ENAH: variants seen among roughly 807,000 people sequenced by gnomAD.
The protein encoded by ENAH is protein enabled homolog.
ENAH carries 23 observed loss-of-function variants against 78.7 expected under a neutral mutation model. The ratio of observed to expected loss-of-function variants is 0.29; its 90% CI spans 0.21 to 0.41. ENAH has a LOEUF of 0.41. ENAH is among the 10% of genes least tolerant of loss of function. ENAH has a pLI of 1.00. For synonymous variants in ENAH, 226 were observed against 241.0 expected, an observed-to-expected ratio of 0.94 and a Z score of 0.58; for missense variants, 544 against 691.0, an observed-to-expected ratio of 0.79 and a Z score of 2.39.
At chr1:225,645,434 T>A (rs1341298210) in intron 1 of ENAH, among the ~76,000 whole-genome samples, 1 of 152,244 alleles carries the variant, frequency 6.6e-6, no homozygotes, top group African/African-American at 2.4e-5. Context: ...GATCTATTCA[T>A]GAAATCAGAC....
chr1:225,606,797 A>G (rs1028399289), intron 1 of ENAH, among the ~76,000 whole-genome samples: 1 of 149,086 alleles, frequency 6.7e-6, no homozygotes. Context: ...GAGCCAACAT[A>G]ACACCACTAC....
intron 1 of ENAH, among the ~76,000 whole-genome samples, chr1:225,641,776 T>C (rs1482955734): frequency 1.3e-5 from 2 of 151,824 alleles, no homozygotes; most frequent in African/African-American, 4.8e-5. Context: ...ATCCCAGCAC[T>C]TTGGGAGGCC....
chr1:225,514,778 C>CT lies in ENAH; in HGVS notation c.1035_1036insA (p.Gly346ArgfsTer13). On this transcript the variant is annotated frameshift_variant, in exon 7 of 14. Coordinates refer to ENST00000366843, the MANE Select transcript of ENAH (RefSeq NM_018212.6). LOFTEE classifies it high-confidence loss of function. ...GGGGGAGGAGGGGGCGGTGGAGGCC[C>CT]GGTGGATGGGAGTGGAGGAGGTGGA... 2.3e-6 allele frequency: 2 copies of CT among 884,992 alleles called. No individual in the cohort carries two copies. The highest frequency in any genetic ancestry group is 2.7e-6 in the Non-Finnish European group (2 of 731,036). The allele number at this position is 884,992 out of a possible 1,614,324, so 54.8% of individuals were successfully genotyped here.
intron 3 of ENAH, among the ~76,000 whole-genome samples, chr1:225,533,370 AGT>A (rs1234978825): frequency 6.6e-6 from 1 of 152,146 alleles, no homozygotes; most frequent in African/African-American, 2.4e-5. Flanking sequence ...TTCCTAAATG[AGT>A]GTGTTCTCAT....
intron 1 of ENAH, among the ~76,000 whole-genome samples, chr1:225,608,659 T>C (rs1205587756): frequency 6.6e-6 from 1 of 150,926 alleles, no homozygotes; most frequent in Non-Finnish European, 1.5e-5. Context: ...CTACTAACAA[T>C]ACAAAAATTG....
rs981300755 is a variant in ENAH, at chr1:225,564,422, C to T, written c.171+2827G>A. The stretch of plus-strand genomic sequence containing the variant: ...TCCTGCCTCAGCCTCCCAAGTAGCT[C>T]GAATTACAGGCATGCACCACCATGC... On this transcript the variant is annotated intron_variant, in intron 2 of 13. Transcript: ENST00000366843. Among the ~76,000 whole-genome samples the T allele has an allele frequency of 7.3e-5, 11 of 150,740 alleles. No individual in the cohort carries two copies. In the South Asian group the frequency reaches 1.1e-3, roughly 15 times the overall value.
intron 1 of ENAH, among the ~76,000 whole-genome samples, chr1:225,591,402 A>C (rs1371365285): frequency 6.6e-6 from 1 of 150,572 alleles, no homozygotes; most frequent in Admixed American, 6.7e-5. Context: ...CCGGAGGTGG[A>C]GGTTGCAGTG....
chr1:225,634,178 C>T (rs1476780109), intron 1 of ENAH, among the ~76,000 whole-genome samples: 3 of 152,034 alleles, frequency 2.0e-5, no homozygotes, highest in South Asian at 2.1e-4. Context: ...GGTTGGGGTA[C>T]TAGGCTAGTC....
chr1:225,526,551 C>CTGG (rs994358588), intron 4 of ENAH, among the ~76,000 whole-genome samples: 5 of 151,752 alleles, frequency 3.3e-5, no homozygotes, highest in African/African-American at 7.3e-5. Context: ...ATTGGCCAGG[C>CTGG]TGGTCTTTAA....
intron 4 of ENAH, among the ~76,000 whole-genome samples, chr1:225,527,904 A>T (rs1056846670): frequency 6.6e-6 from 1 of 152,150 alleles, no homozygotes; most frequent in African/African-American, 2.4e-5. Context: ...GCAAGAAAAG[A>T]GTGTGTTATC....
intron 2 of ENAH, among the ~76,000 whole-genome samples, chr1:225,566,817 T>A (rs974875226): frequency 1.3e-5 from 2 of 152,194 alleles, no homozygotes; most frequent in African/African-American, 4.8e-5. Context: ...ATACCTACTA[T>A]TTTTCTATCA....
rs200880795 is a variant in ENAH at position 225,646,167 on chromosome 1, CA to C, written c.5+6518del. ...TTTCTTCCAAAGTTGTATGCACTGA[CA>C]AAAAAAAAAAATGTAGTTATCTTCT... On this transcript the variant is annotated intron_variant, in intron 1 of 13. Transcript: ENST00000366843. Among the ~76,000 whole-genome samples, 416 of 145,222 alleles carry C rather than the reference CA, an allele frequency of 2.9e-3. 2 individuals are homozygous for C. Among genetic ancestry groups the C allele is most frequent in the Non-Finnish European group, 3.5e-3 (226 of 65,318 alleles).
At chr1:225,515,258 G>T (rs2096408758) in intron 6 of ENAH, 1 of 232,264 alleles carries the variant, frequency 4.3e-6, no homozygotes, top group African/African-American at 2.4e-5. Context: ...ATATAGGATG[G>T]CAGTTAGTAC....
rs2096240570 is a variant in ENAH at position 225,494,543 on chromosome 1, G to T, written c.*3232C>A. The T allele has an allele frequency of 6.6e-6, 1 of 152,166 alleles. No homozygotes were observed. The highest frequency in any genetic ancestry group is 1.5e-5 in the Non-Finnish European group (1 of 68,004). The allele number at this position is 152,166 out of a possible 1,614,324, so 9.4% of individuals were successfully genotyped here. On this transcript the variant is annotated 3_prime_UTR_variant, in exon 14 of 14. Transcript: ENST00000366843. ...ATCATCATCTTGACTATAAGAGGAA[G>T]TTACTGTGTCAAGGTGGGCAGAGAG...
intron 10 of ENAH, among the ~76,000 whole-genome samples, chr1:225,509,727 C>T (rs2096362068): frequency 6.6e-6 from 1 of 152,124 alleles, no homozygotes; most frequent in Admixed American, 6.5e-5. Flanking sequence ...TTATAAAAGG[C>T]TCTCAACATT....
At chr1:225,647,334 C>A (rs1201850157) in intron 1 of ENAH, among the ~76,000 whole-genome samples, 3 of 152,186 alleles carry the variant, frequency 2.0e-5, no homozygotes, top group Non-Finnish European at 4.4e-5. Context: ...TTTACAAGTT[C>A]TTTGGTCAAA....
At chr1:225,526,834 C>G (rs961159809) in intron 4 of ENAH, among the ~76,000 whole-genome samples, 1 of 152,140 alleles carries the variant, frequency 6.6e-6, no homozygotes, top group African/African-American at 2.4e-5. Context: ...CTATTTCATA[C>G]AATTTCAACT....
chr1:225,531,373 A>C (rs1355025780), intron 3 of ENAH, among the ~76,000 whole-genome samples: 6 of 152,104 alleles, frequency 3.9e-5, no homozygotes, highest in Admixed American at 2.6e-4. Context: ...TACAATGCAG[A>C]CCTGTTTTTT....
chr1:225,505,650 G>T (rs189336256), intron 11 of ENAH, among the ~76,000 whole-genome samples: 1 of 149,192 alleles, frequency 6.7e-6, no homozygotes, highest in East Asian at 2.0e-4. Context: ...GCTTTCCGAA[G>T]GAACAGGAGA....
Sources: allele counts gnomAD v4.1 joint callset (sites outside exome capture counted in the v4.1 genomes callset), GRCh38; gene constraint gnomAD v4.1.1; transcripts MANE v1.5; gene names NCBI Gene and HGNC (gene_info 2026-07-23, HGNC 2026-07-21).